The following GPC6 variants were observed in gnomAD, a reference collection of about 807,000 sequenced individuals.
GPC6 encodes the protein glypican-6.
Under a neutral mutation model 55.2 loss-of-function variants are expected in GPC6, and 14 were observed. The ratio of observed to expected loss-of-function variants is 0.25; its 90% CI spans 0.17 to 0.40. The LOEUF is 0.40. Among genes scored for constraint, GPC6 ranks in the 10% least tolerant of loss-of-function variants. GPC6 has a pLI of 1.00. For missense variants in GPC6, 641 were observed against 708.5 expected (o/e 0.90, Z 1.08); for synonymous variants, 278 against 259.6 (o/e 1.07, Z -0.68).
At chr13:94,279,616 G>A (rs1163814354) in intron 4 of GPC6, among the ~76,000 whole-genome samples, 3 of 152,080 alleles carry the variant, frequency 2.0e-5, no homozygotes, top group Non-Finnish European at 4.4e-5. Flanking sequence ...TGCTTTAGGT[G>A]TGTCCCAGAG....
intron 2 of GPC6, among the ~76,000 whole-genome samples, chr13:93,613,165 TG>T (rs1878559089): frequency 6.6e-6 from 1 of 152,154 alleles, no homozygotes; most frequent in South Asian, 2.1e-4. Flanking sequence ...AAAGTTGCAT[TG>T]GCCCCCTCTT....
intron 5 of GPC6, among the ~76,000 whole-genome samples, chr13:94,291,155 T>C (rs1356355851): frequency 6.6e-6 from 1 of 150,792 alleles, no homozygotes; most frequent in African/African-American, 2.4e-5. Flanking sequence ...ATTGCACCAC[T>C]CCACTCTAGC....
intron 4 of GPC6, among the ~76,000 whole-genome samples, chr13:94,099,527 A>T (rs1172185378): frequency 2.6e-5 from 4 of 152,198 alleles, no homozygotes; most frequent in Non-Finnish European, 5.9e-5. Flanking sequence ...ATTTTACTTC[A>T]GGTAAAAATT....
At chr13:93,401,474 G>C (rs555628337) in intron 1 of GPC6, among the ~76,000 whole-genome samples, 2 of 151,824 alleles carry the variant, frequency 1.3e-5, no homozygotes, top group South Asian at 2.1e-4. Context: ...TTTTCTAAAA[G>C]AGAATTATTG....
intron 6 of GPC6, among the ~76,000 whole-genome samples, chr13:94,338,700 G>A (rs1025526964): frequency 2.6e-4 from 39 of 152,126 alleles, no homozygotes; most frequent in African/African-American, 8.9e-4. Context: ...GAATTTTACA[G>A]TTGAGGAAAT....
chr13:93,790,118 G>C lies in GPC6; in HGVS notation c.320-40036G>C, dbSNP rs187980908. Among the ~76,000 whole-genome samples the C allele has an allele frequency of 2.9e-3, 435 of 152,236 alleles. 2 individuals carry two copies. Among genetic ancestry groups the C allele is most frequent in the Non-Finnish European group, 4.9e-3 (334 of 68,018 alleles). ...TTAATGAAGGTGGCGTTACCATATT[G>C]AGTCTATCACTGGGCATTTGAACAA... On this transcript the variant is annotated intron_variant, in intron 2 of 8. Transcript: ENST00000377047.
chr13:94,305,969 G>T lies in GPC6; in HGVS notation c.1009-11G>T. ...TGTATAGCTGTTTTTACTTTTCAAT[G>T]GTTCTTCCAGGTCTTTCAGGGATGT... is the stretch of plus-strand genomic sequence containing the variant. On this transcript the variant is annotated splice_polypyrimidine_tract_variant and intron_variant, in intron 5 of 8. Coordinates refer to ENST00000377047, the MANE Select transcript of GPC6 (RefSeq NM_005708.5). The T allele has an allele frequency of 2.5e-6, 4 of 1,613,774 alleles. No individual in the cohort carries two copies. The highest frequency in any genetic ancestry group is 3.4e-6 in the Non-Finnish European group (4 of 1,179,732).
intron 4 of GPC6, among the ~76,000 whole-genome samples, chr13:94,174,054 T>C (rs1594020368): frequency 1.3e-5 from 2 of 152,326 alleles, no homozygotes; most frequent in South Asian, 4.1e-4. Context: ...ACTAGTTACA[T>C]ATGATTTTAG....
At chr13:93,932,033 T>TA (rs2140355481) in intron 3 of GPC6, among the ~76,000 whole-genome samples, 2 of 152,324 alleles carry the variant, frequency 1.3e-5, no homozygotes, top group East Asian at 3.9e-4. Flanking sequence ...ATACTTCAGA[T>TA]AAAAATACCT....
chr13:93,475,442 C>G (rs1472806705), intron 1 of GPC6, among the ~76,000 whole-genome samples: 2 of 152,064 alleles, frequency 1.3e-5, no homozygotes, highest in East Asian at 3.9e-4. Context: ...TTTCAATACT[C>G]TAGCCTAAAA....
intron 1 of GPC6, among the ~76,000 whole-genome samples, chr13:93,242,423 GCT>G (rs1440529845): frequency 6.6e-6 from 1 of 152,126 alleles, no homozygotes; most frequent in East Asian, 1.9e-4. Context: ...AGGGAGCAGG[GCT>G]CTACTCCTCT....
intron 2 of GPC6, among the ~76,000 whole-genome samples, chr13:93,574,677 T>C (rs948609717): frequency 3.9e-5 from 6 of 152,282 alleles, no homozygotes; most frequent in Admixed American, 1.3e-4. Flanking sequence ...CAGTTTTAGA[T>C]CACTTCCATT....
At chr13:93,542,954 G>A (rs954889336) in intron 1 of GPC6, among the ~76,000 whole-genome samples, 14 of 152,102 alleles carry the variant, frequency 9.2e-5, no homozygotes, top group Non-Finnish European at 1.5e-4. Context: ...TAGATATACA[G>A]TCATGTCTTC....
At chr13:94,124,821 C>A (rs1886751485) in intron 4 of GPC6, among the ~76,000 whole-genome samples, 1 of 152,036 alleles carries the variant, frequency 6.6e-6, no homozygotes, top group Non-Finnish European at 1.5e-5. Context: ...AATATAAAGA[C>A]ACAACTTGTC....
intron 2 of GPC6, among the ~76,000 whole-genome samples, chr13:93,574,314 C>T (rs984252052): frequency 2.6e-5 from 4 of 152,086 alleles, no homozygotes; most frequent in African/African-American, 9.7e-5. Flanking sequence ...GATAGAACCA[C>T]ACAGGCAAAA....
chr13:93,562,758 T>G, intron 2 of GPC6, among the ~76,000 whole-genome samples: 1 of 152,210 alleles, frequency 6.6e-6, no homozygotes, highest in East Asian at 1.9e-4. Context: ...TAAGTAATAC[T>G]ATGTGCCAGG....
rs188803019 is a variant in GPC6, at chr13:94,181,415, G to T, written c.878-104934G>T. Reference sequence around the variant, plus strand: ...AAGAACCTGCGTTGAAATATTGGGGGCTGGTTCCCCCGATATAGTTGGATG... The same window carrying T: ...AAGAACCTGCGTTGAAATATTGGGGTCTGGTTCCCCCGATATAGTTGGATG... On this transcript the variant is annotated intron_variant, in intron 4 of 8. Coordinates refer to ENST00000377047, the MANE Select transcript of GPC6 (RefSeq NM_005708.5). Among the ~76,000 whole-genome samples, 736 of 152,256 alleles carry T rather than the reference G, an allele frequency of 4.8e-3. 4 individuals carry two copies. Among genetic ancestry groups the T allele is most frequent in the Non-Finnish European group, 6.7e-3 (455 of 68,030 alleles).
At chr13:93,648,510 T>C (rs573681118) in intron 2 of GPC6, among the ~76,000 whole-genome samples, 2 of 152,324 alleles carry the variant, frequency 1.3e-5, no homozygotes, top group South Asian at 4.1e-4. Flanking sequence ...TAACATCTTA[T>C]TATCTTTATC....
chr13:93,974,758 A>AT (rs200007526), intron 3 of GPC6, among the ~76,000 whole-genome samples: 80 of 151,134 alleles, frequency 5.3e-4, no homozygotes, highest in East Asian at 1.9e-3. Context: ...CCATTTCCTT[A>AT]TTTTTTTTTG....
Sources: gnomAD v4.1 joint callset for allele counts (sites outside exome capture counted in the v4.1 genomes callset) on GRCh38, gnomAD v4.1.1 for gene constraint, MANE v1.5 for transcripts, NCBI Gene and HGNC (gene_info 2026-07-23, HGNC 2026-07-21) for gene names.